SFI1: variants seen among roughly 807,000 people sequenced by gnomAD.
The protein encoded by SFI1 is protein SFI1 homolog.
In SFI1, 195 loss-of-function variants were observed where a neutral mutation model predicts 207.5. The observed-to-expected ratio is 0.94, with a 90% CI of 0.84 to 1.06. The LOEUF is 1.06. SFI1 is among the 50% of genes least tolerant of loss of function. The pLI, the probability that SFI1 is intolerant of heterozygous loss-of-function variation, is 0.00. For missense variants in SFI1, 1,634 were observed against 1,588.0 expected (o/e 1.03, Z -0.49); for synonymous variants, 630 against 598.9 (o/e 1.05, Z -0.76).
At chr22:31,501,037 C>G (rs2146360521) in intron 1 of SFI1, among the ~76,000 whole-genome samples, 1 of 150,294 alleles carries the variant, frequency 6.7e-6, no homozygotes, top group East Asian at 2.0e-4. Flanking sequence ...GACCCCGTGA[C>G]CCACCCACCT....
At position 31,567,216 on chromosome 22, in the gene SFI1, G is replaced by A. The variant is rs185934291; in HGVS notation, c.765+5824G>A. Among the ~76,000 whole-genome samples the A allele has an allele frequency of 2.1e-4, 32 of 152,248 alleles. No homozygotes were observed. In the East Asian group the frequency reaches 6.2e-3, roughly 29 times the overall value. Reference sequence around the variant, plus strand: ...CACCGCACCTGGCCAAGCCTATTAGGATTTTTATTACAATGTACTGACTGA... The same window carrying A: ...CACCGCACCTGGCCAAGCCTATTAGAATTTTTATTACAATGTACTGACTGA... On this transcript the variant is annotated intron_variant, in intron 8 of 32. Transcript: ENST00000400288.
chr22:31,523,525 A>T (rs2057523195), intron 2 of SFI1, among the ~76,000 whole-genome samples: 1 of 152,238 alleles, frequency 6.6e-6, no homozygotes, highest in Non-Finnish European at 1.5e-5. Context: ...ACACCTTAGA[A>T]ATTCAGGTAT....
chr22:31,603,910 A>G, intron 18 of SFI1, 91 bp downstream of exon 18: 1 of 1,161,632 alleles, frequency 8.6e-7, no homozygotes, highest in East Asian at 2.7e-5. Context: ...TATGGGCCAC[A>G]CCACCTACCT....
intron 23 of SFI1, among the ~76,000 whole-genome samples, 197 bp downstream of exon 23, chr22:31,611,500 GC>G (rs534274367): frequency 3.0e-4 from 45 of 152,320 alleles, no homozygotes; most frequent in South Asian, 1.7e-3. Context: ...CGAGTAGCCA[GC>G]CCCAGAATCC....
chr22:31,609,165 A>AT (rs1434981226), intron 22 of SFI1, among the ~76,000 whole-genome samples: 2 of 152,008 alleles, frequency 1.3e-5, no homozygotes, highest in Non-Finnish European at 2.9e-5. Context: ...CGCCAGGCTA[A>AT]TTTTTTGTAT....
At chr22:31,562,955 A>T (rs2061871334) in intron 8 of SFI1, among the ~76,000 whole-genome samples, 1 of 148,896 alleles carries the variant, frequency 6.7e-6, no homozygotes, top group African/African-American at 2.5e-5. Context: ...TTTTAACCTA[A>T]GCAGCCAGAA....
intron 4 of SFI1, among the ~76,000 whole-genome samples, chr22:31,532,530 C>T (rs1358684807): frequency 6.6e-6 from 1 of 152,142 alleles, no homozygotes. Context: ...TCCTGCTCCC[C>T]TCTTCCCCTT....
chr22:31,501,242 G>T (rs1286921652), intron 1 of SFI1, among the ~76,000 whole-genome samples: 2 of 151,326 alleles, frequency 1.3e-5, no homozygotes, highest in Non-Finnish European at 2.9e-5. Flanking sequence ...CGTGATCTTG[G>T]CTCACTGCAA....
rs1162482504 is a variant in SFI1 at position 31,530,171 on chromosome 22, C to CAAAAAAAAAAAA, written c.267-866_267-855dup. ...TGGGCGACAGAGTGAGACTCCATCT[C>CAAAAAAAAAAAA]AAAAAAAAAAAAAAAAAAAAAAAAA... is the stretch of plus-strand genomic sequence containing the variant. On this transcript the variant is annotated intron_variant, in intron 3 of 32. Coordinates refer to ENST00000400288, the MANE Select transcript of SFI1 (RefSeq NM_001007467.3). 5.0e-4 allele frequency among the ~76,000 whole-genome samples: 6 copies of CAAAAAAAAAAAA among 12,106 alleles called. 1 individual carries two copies. The highest frequency in any genetic ancestry group is 2.3e-3 in the Admixed American group (1 of 436). The allele number at this position is 12,106 out of a possible 152,430, so 7.9% of individuals were successfully genotyped here.
chr22:31,542,395 C>T (rs1045359358), intron 4 of SFI1, among the ~76,000 whole-genome samples: 5 of 151,650 alleles, frequency 3.3e-5, no homozygotes, highest in Admixed American at 6.6e-5. Flanking sequence ...TGGGAGGCCA[C>T]GGCAGGCGGA....
intron 15 of SFI1, among the ~76,000 whole-genome samples, chr22:31,593,965 G>A (rs1312919888): frequency 7.5e-6 from 1 of 133,482 alleles, no homozygotes; most frequent in East Asian, 2.4e-4. Flanking sequence ...CGCATGAGAG[G>A]GAGACCATGG....
chr22:31,555,101 G>A (rs2061032042), intron 6 of SFI1, among the ~76,000 whole-genome samples: 1 of 151,150 alleles, frequency 6.6e-6, no homozygotes, highest in South Asian at 2.1e-4. Context: ...TCTTGTAAAT[G>A]TTCTATATTT....
chr22:31,606,208 ATTCT>A, intron 20 of SFI1, 116 bp from the exon 21 acceptor site: 4 of 833,000 alleles, frequency 4.8e-6, no homozygotes, highest in Non-Finnish European at 7.7e-6. Flanking sequence ...TGAAACAGAC[ATTCT>A]TAGGTGTAGA....
rs181036820 is a variant in SFI1 at position 31,538,938 on chromosome 22, C to T, written c.338+7809C>T. Among the ~76,000 whole-genome samples, 6 of 152,210 alleles carry T rather than the reference C, an allele frequency of 3.9e-5. No homozygotes were observed. In the East Asian group the frequency reaches 5.8e-4, roughly 15 times the overall value. On this transcript the variant is annotated intron_variant, in intron 4 of 32. Coordinates refer to ENST00000400288, the MANE Select transcript of SFI1 (RefSeq NM_001007467.3). ...CCTTGAAACTCTGGACTTTTACGTA[C>T]GTGACAACTCCACTGGGTGTCACAC...
chr22:31,543,083 G>A (rs1275682716), intron 4 of SFI1, among the ~76,000 whole-genome samples: 1 of 149,800 alleles, frequency 6.7e-6, no homozygotes, highest in Non-Finnish European at 1.5e-5. Flanking sequence ...CCATTCTCCT[G>A]CCTCAGCCTC....
At chr22:31,522,652 A>G (rs1420032176) in intron 2 of SFI1, among the ~76,000 whole-genome samples, 2 of 151,898 alleles carry the variant, frequency 1.3e-5, no homozygotes, top group African/African-American at 2.4e-5. Flanking sequence ...TCTGTATCAG[A>G]ATTTTATTCC....
chr22:31,557,469 A>G (rs2061280664), intron 7 of SFI1, among the ~76,000 whole-genome samples: 1 of 152,038 alleles, frequency 6.6e-6, no homozygotes, highest in South Asian at 2.1e-4. Context: ...GATTATAGGC[A>G]TGAGCCACCA....
At chr22:31,613,955 GGTCACGGCCTT>G in intron 27 of SFI1, 100 bp downstream of exon 27, 1 of 1,408,278 alleles carries the variant, frequency 7.1e-7, no homozygotes, top group South Asian at 1.5e-5. Context: ...GGGACGGGCT[GGTCACGGCCTT>G]GTCACAGCTG....
chr22:31,611,302 G>T lies in SFI1; in HGVS notation c.2414G>T (p.Arg805Met), dbSNP rs1297717480. The change falls in exon 23 of 33, where the codon AGG becomes ATG. Residue 805 changes from arginine (R) to methionine (M), a missense_variant and splice_region_variant. Coordinates refer to ENST00000400288, the MANE Select transcript of SFI1 (RefSeq NM_001007467.3). The part of the protein sequence containing the change: ...KTHHLQCVRK[R>M]LLHRQSTQLL... Reference sequence around the variant, plus strand: ...CACCATCTGCAGTGTGTCAGGAAGAGGGTGAGGCTGACGGTGGCAACTCTC... The same window carrying T: ...CACCATCTGCAGTGTGTCAGGAAGATGGTGAGGCTGACGGTGGCAACTCTC... 2 of 1,592,732 alleles carry T rather than the reference G, an allele frequency of 1.3e-6. No homozygotes were observed. Among genetic ancestry groups the T allele is most frequent in the South Asian group, 2.2e-5 (2 of 89,210 alleles).
Sources: allele counts gnomAD v4.1 joint callset (sites outside exome capture counted in the v4.1 genomes callset), GRCh38; gene constraint gnomAD v4.1.1; transcripts MANE v1.5; gene names NCBI Gene and HGNC (gene_info 2026-07-23, HGNC 2026-07-21).